The following SCFD2 variants were observed in gnomAD, a reference collection of about 807,000 sequenced individuals.
SCFD2 encodes the protein sec1 family domain-containing protein 2.
A neutral mutation model predicts 58.9 loss-of-function variants in SCFD2; 54 were observed. The ratio of observed to expected loss-of-function variants is 0.92; its 90% confidence interval spans 0.74 to 1.15. The LOEUF (loss-of-function observed/expected upper bound fraction) is 1.15. SCFD2 is among the 50% of genes most tolerant of loss of function. The probability of loss-of-function intolerance (pLI) is 0.00; values close to 1 mark genes in which losing one functional copy is unlikely to be tolerated. For missense variants in SCFD2, 805 were observed against 836.6 expected (o/e 0.96, Z 0.47); for synonymous variants, 321 against 335.9 (o/e 0.96, Z 0.49).
chr4:52,955,691 A>G (rs1418655400), intron 5 of SCFD2, among the ~76,000 whole-genome samples: 1 of 152,242 alleles, frequency 6.6e-6, no homozygotes, highest in African/African-American at 2.4e-5. Flanking sequence ...ACAACCTGAT[A>G]GGACATTCAT....
At chr4:53,311,603 A>C (rs1215154769) in intron 3 of SCFD2, among the ~76,000 whole-genome samples, 1 of 151,760 alleles carries the variant, frequency 6.6e-6, no homozygotes, top group Non-Finnish European at 1.5e-5. Flanking sequence ...TAACCTTAGC[A>C]TGAAGACCCT....
At chr4:53,197,911 TC>T (rs1463638268) in intron 4 of SCFD2, among the ~76,000 whole-genome samples, 1 of 152,106 alleles carries the variant, frequency 6.6e-6, no homozygotes, top group African/African-American at 2.4e-5. Context: ...CTTCATATTT[TC>T]CAGGAATAAA....
At chr4:53,330,448 C>A (rs778002824) in intron 2 of SCFD2, among the ~76,000 whole-genome samples, 4 of 152,144 alleles carry the variant, frequency 2.6e-5, no homozygotes, top group Non-Finnish European at 4.4e-5. Flanking sequence ...ATTCAACATT[C>A]TTAAAGAAAA....
intron 5 of SCFD2, among the ~76,000 whole-genome samples, chr4:53,095,304 A>T (rs1211463299): frequency 1.3e-5 from 2 of 152,058 alleles, no homozygotes; most frequent in African/African-American, 4.8e-5. Context: ...ATTCCAGCTG[A>T]CTTTAACTCC....
chr4:53,182,808 A>G (rs1727616199), intron 4 of SCFD2, among the ~76,000 whole-genome samples: 1 of 149,694 alleles, frequency 6.7e-6, no homozygotes, highest in South Asian at 2.1e-4. Flanking sequence ...AATTTACAAG[A>G]AAAAAAAAAC....
chr4:53,173,121 T>G (rs1291702886), intron 4 of SCFD2, among the ~76,000 whole-genome samples: 1 of 152,198 alleles, frequency 6.6e-6, no homozygotes, highest in Non-Finnish European at 1.5e-5. Context: ...CTCTTTACAG[T>G]TTTTGACTTA....
intron 5 of SCFD2, among the ~76,000 whole-genome samples, chr4:53,123,539 G>GGGC (rs1553878383): frequency 9.8e-5 from 13 of 132,680 alleles, no homozygotes; most frequent in East Asian, 4.8e-4. Flanking sequence ...GGGTGGGGGG[G>GGGC]GGGCACTGAC....
rs145160521 is a variant in SCFD2 at position 53,246,592 on chromosome 4, G to A, written c.1311+27234C>T. ...GACAAAGCTGACATAAATAAGCAAT[G>A]GGGAAAGAACTCCCTATTCAATAAA... On this transcript the variant is annotated intron_variant, in intron 4 of 8. Coordinates refer to ENST00000401642, the MANE Select transcript of SCFD2 (RefSeq NM_152540.4). Among the ~76,000 whole-genome samples, 24 of 152,252 alleles carry A rather than the reference G, an allele frequency of 1.6e-4. No individual in the cohort carries two copies. In the East Asian group the frequency reaches 4.4e-3, roughly 28 times the overall value.
chr4:53,053,739 C>T (rs148554776), intron 5 of SCFD2, among the ~76,000 whole-genome samples: 1,625 of 152,268 alleles, frequency 0.011, 7 homozygotes, highest in Non-Finnish European at 0.017. Context: ...GGAATGGCTC[C>T]GCTTCTCTGG....
At chr4:53,346,153 A>G (rs1734052709) in intron 2 of SCFD2, among the ~76,000 whole-genome samples, 1 of 152,162 alleles carries the variant, frequency 6.6e-6, no homozygotes, top group South Asian at 2.1e-4. Context: ...ACATGTTCAT[A>G]TGTATAGTAT....
intron 5 of SCFD2, among the ~76,000 whole-genome samples, chr4:53,023,986 T>C (rs560880169): frequency 7.9e-5 from 12 of 152,302 alleles, no homozygotes; most frequent in East Asian, 3.9e-4. Flanking sequence ...GCCAGAGTTC[T>C]AGAGACACTG....
chr4:53,153,908 C>T (rs1726586327), intron 4 of SCFD2, among the ~76,000 whole-genome samples: 1 of 152,124 alleles, frequency 6.6e-6, no homozygotes, highest in African/African-American at 2.4e-5. Context: ...CATGAGTGAC[C>T]ATCATTCCAA....
At chr4:53,181,305 C>T (rs937880373) in intron 4 of SCFD2, among the ~76,000 whole-genome samples, 3 of 152,196 alleles carry the variant, frequency 2.0e-5, no homozygotes, top group Admixed American at 2.0e-4. Context: ...AGCTTATCCA[C>T]CATGATCAAG....
At chr4:53,253,588 A>AG (rs1730481450) in intron 4 of SCFD2, among the ~76,000 whole-genome samples, 2 of 152,174 alleles carry the variant, frequency 1.3e-5, no homozygotes, top group South Asian at 4.2e-4. Context: ...TGTCCTTTGT[A>AG]GGGACATGGA....
Position 53,197,156 on chromosome 4 carries a change from A to C in SCFD2, c.1312-51574T>G, listed in dbSNP as rs190310906. ...TTTCCTCTGTTTAACTCAAAGGAAC[A>C]GAGCAGCAACAACATTAATTCAAAA... On this transcript the variant is annotated intron_variant, in intron 4 of 8. Coordinates refer to ENST00000401642, the MANE Select transcript of SCFD2 (RefSeq NM_152540.4). Among the ~76,000 whole-genome samples the C allele has an allele frequency of 8.7e-3, 1,323 of 152,264 alleles. 12 individuals are homozygous for C. Among genetic ancestry groups the C allele is most frequent in the African/African-American group, 0.03 (1,259 of 41,566 alleles).
intron 5 of SCFD2, among the ~76,000 whole-genome samples, chr4:52,942,881 AT>A (rs1226338941): frequency 6.6e-6 from 1 of 152,070 alleles, no homozygotes; most frequent in African/African-American, 2.4e-5. Flanking sequence ...GGATTTGCCT[AT>A]ATAGGAAAGC....
At chr4:52,959,927 T>TACACACACACACACACAC (rs773748716) in intron 5 of SCFD2, among the ~76,000 whole-genome samples, 165 of 116,080 alleles carry the variant, frequency 1.4e-3, no homozygotes, top group African/African-American at 2.6e-3. Flanking sequence ...CACACACACT[T>TACACACACACACACACAC]GAATCACCTA....
At chr4:53,122,103 G>A (rs564751403) in intron 5 of SCFD2, among the ~76,000 whole-genome samples, 46 of 152,230 alleles carry the variant, frequency 3.0e-4, no homozygotes, top group East Asian at 5.8e-4. Flanking sequence ...TAGTCTGGGC[G>A]CGGTGGCTCA....
chr4:53,175,737 C>G (rs943912530), intron 4 of SCFD2, among the ~76,000 whole-genome samples: 2 of 152,206 alleles, frequency 1.3e-5, no homozygotes, highest in African/African-American at 4.8e-5. Context: ...GAAAAGCACA[C>G]TAGCAGATAA....
Sources: gnomAD v4.1 joint callset for allele counts (sites outside exome capture counted in the v4.1 genomes callset) on GRCh38, gnomAD v4.1.1 for gene constraint, MANE v1.5 for transcripts, NCBI Gene and HGNC (gene_info 2026-07-23, HGNC 2026-07-21) for gene names.